PRCP: variants seen among roughly 807,000 people sequenced by gnomAD.
PRCP encodes the protein lysosomal Pro-X carboxypeptidase.
A neutral mutation model predicts 54.2 loss-of-function variants in PRCP; 46 were observed. The ratio of observed to expected loss-of-function variants is 0.85; its 90% CI spans 0.67 to 1.09. PRCP has a LOEUF of 1.09. Ranked by LOEUF, PRCP falls within the 50% of genes least tolerant of loss-of-function variation. The pLI, the probability that PRCP is intolerant of heterozygous loss-of-function variation, is 0.00. For synonymous variants in PRCP, 240 were observed against 212.2 expected, an observed-to-expected ratio of 1.13 and a Z score of -1.14; for missense variants, 613 against 596.8, an observed-to-expected ratio of 1.03 and a Z score of -0.28.
chr11:82,884,879 C>T (rs1336660396), intron 1 of PRCP: 5 of 1,613,488 alleles, frequency 3.1e-6, no homozygotes, highest in Non-Finnish European at 4.2e-6. Context: ...TGCCCAGCAG[C>T]AAGGGCCTGC....
At chr11:82,873,846 T>C (rs1859535366) in intron 1 of PRCP, among the ~76,000 whole-genome samples, 1 of 152,102 alleles carries the variant, frequency 6.6e-6, no homozygotes, top group Non-Finnish European at 1.5e-5. Context: ...CTCTGGAAAA[T>C]TAAACTTTAC....
chr11:82,899,978 A>G lies in PRCP; in HGVS notation c.168+257T>C. 1.0e-5 allele frequency: 5 copies of G among 478,416 alleles called. No individual in the cohort carries two copies. In the South Asian group the frequency reaches 1.2e-4, roughly 11 times the overall value. 29.6% of individuals were successfully genotyped at this position (478,416 alleles called of 1,614,324 possible). On this transcript the variant is annotated intron_variant, in intron 1 of 8. Transcript: ENST00000313010. ...TCTGGGAGCAGAGGGAGTTGAAGTG[A>G]CTGTCGTGTCCAATTACAGAAAAGC...
At chr11:82,896,101 G>A (rs138987567) in intron 1 of PRCP, among the ~76,000 whole-genome samples, 44 of 152,312 alleles carry the variant, frequency 2.9e-4, no homozygotes, top group African/African-American at 1.0e-3. Flanking sequence ...GGACAGAGTT[G>A]TGAAGGAACT....
chr11:82,871,231 A>T (rs1026078500), intron 1 of PRCP, among the ~76,000 whole-genome samples: 2 of 128,222 alleles, frequency 1.6e-5, no homozygotes, highest in Admixed American at 2.0e-4. Flanking sequence ...CCCAGGCTGG[A>T]GTGCAGTGGC....
intron 1 of PRCP, among the ~76,000 whole-genome samples, chr11:82,874,703 A>G (rs10160609): frequency 0.098 from 14,655 of 150,162 alleles, 1,236 homozygotes; most frequent in African/African-American, 0.23. Flanking sequence ...AAAAAAAAAA[A>G]AAAAAAGAAA....
intron 1 of PRCP, among the ~76,000 whole-genome samples, chr11:82,876,576 G>C (rs1323944493): frequency 6.6e-6 from 1 of 152,116 alleles, no homozygotes; most frequent in Admixed American, 6.5e-5. Context: ...AGTCTTTCTT[G>C]TGCAAGTCTC....
intron 8 of PRCP, chr11:82,837,296 A>T (rs1438464740): frequency 6.5e-6 from 1 of 153,892 alleles, no homozygotes; most frequent in East Asian, 1.9e-4. Context: ...ATCAGAGTGG[A>T]TCTACCATTG....
At position 82,824,764 on chromosome 11, in the gene PRCP, A is replaced by G. The variant is rs1248551368; in HGVS notation, c.*142T>C. ...TCATGGGACACTTGCTCTTACCGTCATCACCCTCTATTCTATCTCAACTTT... is the reference window on the plus strand; with the variant it reads ...TCATGGGACACTTGCTCTTACCGTCGTCACCCTCTATTCTATCTCAACTTT... On this transcript the variant is annotated 3_prime_UTR_variant, in exon 9 of 9. Coordinates refer to ENST00000313010, the MANE Select transcript of PRCP (RefSeq NM_005040.4). The G allele has an allele frequency of 6.1e-5, 50 of 821,308 alleles. 1 individual carries two copies. The South Asian group carries it at 7.6e-4, about 12-fold the overall frequency. The allele number at this position is 821,308 out of a possible 1,614,324, so 50.9% of individuals were successfully genotyped here.
Position 82,893,345 on chromosome 11 carries a change from A to G in PRCP, c.168+6890T>C, listed in dbSNP as rs555750554. ...GTGACCGAAATTCATAAATTTTACT[A>G]TAGCAGCAAAACCTAACTTATCCTG... On this transcript the variant is annotated intron_variant, in intron 1 of 8. Coordinates refer to ENST00000313010, the MANE Select transcript of PRCP (RefSeq NM_005040.4). 2.6e-3 allele frequency among the ~76,000 whole-genome samples: 397 copies of G among 152,344 alleles called. 4 individuals are homozygous for G. Among genetic ancestry groups the G allele is most frequent in the African/African-American group, 9.2e-3 (384 of 41,576 alleles).
intron 6 of PRCP, among the ~76,000 whole-genome samples, chr11:82,844,778 A>AAAAGC (rs1391891701): frequency 6.6e-6 from 1 of 151,624 alleles, no homozygotes; most frequent in Non-Finnish European, 1.5e-5. Context: ...AAAAGAAAAG[A>AAAAGC]AAAAAACACA....
In PRCP at chr11:82,900,136, AG is replaced by A. The variant is rs1860228724; in HGVS notation, c.168+98del. 3.1e-5 allele frequency: 45 copies of A among 1,435,372 alleles called. No individual in the cohort carries two copies. The South Asian group carries it at 5.3e-4, about 17-fold the overall frequency. 88.9% of individuals were successfully genotyped at this position (1,435,372 alleles called of 1,614,324 possible). On this transcript the variant is annotated intron_variant, in intron 1 of 8. Transcript: ENST00000313010. ...AAAACCGAACAGATCCTAGGCATCA[AG>A]GGGTGTGAATTTCGAGGTAGGCTCC...
intron 1 of PRCP, among the ~76,000 whole-genome samples, chr11:82,885,138 A>G (rs1859835673): frequency 6.6e-6 from 1 of 152,226 alleles, no homozygotes; most frequent in Admixed American, 6.5e-5. Context: ...TCGTGACAGT[A>G]AGAACCTCTT....
intron 6 of PRCP, among the ~76,000 whole-genome samples, chr11:82,846,999 C>T (rs188310981): frequency 1.2e-3 from 180 of 152,318 alleles, no homozygotes; most frequent in Admixed American, 3.7e-3. Context: ...AGACAGCCAT[C>T]CTCAATTGTT....
chr11:82,892,894 G>T (rs1045288249), intron 1 of PRCP, among the ~76,000 whole-genome samples: 1 of 152,154 alleles, frequency 6.6e-6, no homozygotes, highest in African/African-American at 2.4e-5. Flanking sequence ...CTCCTTCAGG[G>T]TATAGTCATC....
chr11:82,873,515 G>C (rs1859528455), intron 1 of PRCP, among the ~76,000 whole-genome samples: 1 of 152,164 alleles, frequency 6.6e-6, no homozygotes, highest in South Asian at 2.1e-4. Flanking sequence ...ACCTATTCAA[G>C]AAATTGATAG....
At chr11:82,864,605 A>G (rs964248500) in intron 1 of PRCP, among the ~76,000 whole-genome samples, 22 of 152,236 alleles carry the variant, frequency 1.4e-4, no homozygotes, top group Non-Finnish European at 2.9e-4. Context: ...GGTTTATTGA[A>G]CCAATTAAAA....
chr11:82,880,737 C>G (rs1194877643), intron 1 of PRCP, among the ~76,000 whole-genome samples: 3 of 146,286 alleles, frequency 2.1e-5, no homozygotes, highest in Non-Finnish European at 4.5e-5. Context: ...TATGCAAGAG[C>G]AAAAATATTG....
At chr11:82,834,294 T>C (rs1483808288) in intron 8 of PRCP, among the ~76,000 whole-genome samples, 1 of 152,238 alleles carries the variant, frequency 6.6e-6, no homozygotes, top group African/African-American at 2.4e-5. Flanking sequence ...CAAAGGCTTA[T>C]ATTTAGGTCT....
intron 1 of PRCP, among the ~76,000 whole-genome samples, chr11:82,868,008 A>C (rs996803416): frequency 6.6e-6 from 1 of 152,178 alleles, no homozygotes; most frequent in Non-Finnish European, 1.5e-5. Flanking sequence ...TTCTTTTCTA[A>C]ATAAATATAT....
Sources: gnomAD v4.1 joint callset for allele counts (sites outside exome capture counted in the v4.1 genomes callset) on GRCh38, gnomAD v4.1.1 for gene constraint, MANE v1.5 for transcripts, NCBI Gene and HGNC (gene_info 2026-07-23, HGNC 2026-07-21) for gene names.